Variants in RALGAPA1 observed in about 807,000 individuals in gnomAD.
RALGAPA1 encodes ral GTPase-activating protein subunit alpha-1.
A neutral mutation model predicts 269.6 loss-of-function variants in RALGAPA1; 52 were observed. The observed-to-expected ratio is 0.19, with a 90% CI of 0.15 to 0.24. RALGAPA1 has a LOEUF of 0.24. Among genes scored for constraint, RALGAPA1 ranks in the 10% least tolerant of loss-of-function variants. The pLI is 1.00. For synonymous variants in RALGAPA1, 817 were observed against 1,008.3 expected, an observed-to-expected ratio of 0.81 and a Z score of 3.60; for missense variants, 1,917 against 3,013.9, an observed-to-expected ratio of 0.64 and a Z score of 8.52.
chr14:35,626,981 T>A, intron 34 of RALGAPA1, 109 bp downstream of exon 34: 1 of 1,121,514 alleles, frequency 8.9e-7, no homozygotes. Context: ...AAAGAACTAA[T>A]TGGTAGATAA....
chr14:35,674,093 G>A, intron 24 of RALGAPA1, 87 bp downstream of exon 24: 1 of 992,232 alleles, frequency 1.0e-6, no homozygotes, highest in East Asian at 2.6e-5. Context: ...TGCTCTAGAA[G>A]TCTATATAAT....
At chr14:35,578,677 A>AT (rs776771868) in intron 37 of RALGAPA1, among the ~76,000 whole-genome samples, 4 of 152,192 alleles carry the variant, frequency 2.6e-5, no homozygotes, top group Admixed American at 6.5e-5. Flanking sequence ...CTTATCTTGC[A>AT]TTTTTTTCCT....
intron 17 of RALGAPA1, among the ~76,000 whole-genome samples, chr14:35,690,314 G>A (rs1214443551): frequency 6.6e-6 from 1 of 152,142 alleles, no homozygotes; most frequent in African/African-American, 2.4e-5. Context: ...AATAAATCAA[G>A]CAACTCAAAT....
intron 35 of RALGAPA1, among the ~76,000 whole-genome samples, chr14:35,619,224 GATAA>G (rs1460080615): frequency 6.6e-6 from 1 of 151,898 alleles, no homozygotes; most frequent in Admixed American, 6.6e-5. Flanking sequence ...CATGAAAAAA[GATAA>G]ATAAATAAAA....
At chr14:35,717,159 AT>A (rs1008611926) in intron 16 of RALGAPA1, among the ~76,000 whole-genome samples, 13 of 151,864 alleles carry the variant, frequency 8.6e-5, no homozygotes, top group African/African-American at 3.1e-4. Context: ...ATTCTATACC[AT>A]TTTTTTTGAG....
chr14:35,648,660 G>T (rs2062617934), intron 31 of RALGAPA1, among the ~76,000 whole-genome samples: 1 of 152,008 alleles, frequency 6.6e-6, no homozygotes, highest in Non-Finnish European at 1.5e-5. Context: ...TAATTAGCTG[G>T]GCATGGTGGC....
chr14:35,640,436 A>T (rs566760368), intron 31 of RALGAPA1, among the ~76,000 whole-genome samples: 1 of 152,190 alleles, frequency 6.6e-6, no homozygotes, highest in East Asian at 1.9e-4. Flanking sequence ...AAATTAAAAG[A>T]TCAACAGAGC....
intron 41 of RALGAPA1, among the ~76,000 whole-genome samples, chr14:35,545,417 CTT>C (rs1307199027): frequency 6.6e-6 from 1 of 151,742 alleles, no homozygotes; most frequent in Non-Finnish European, 1.5e-5. Flanking sequence ...CATAGTCACT[CTT>C]GATTATCTCT....
chr14:35,770,482 C>T lies in RALGAPA1; in HGVS notation c.325+460G>A, dbSNP rs541333158. On this transcript the variant is annotated intron_variant, in intron 4 of 41. Transcript: ENST00000680220. ...GATTAAAAAAAAAAGTAACTGTACT[C>T]ATTCACAGATGATATAACCCTACAG... 5.3e-5 allele frequency among the ~76,000 whole-genome samples: 8 copies of T among 151,946 alleles called. No individual in the cohort carries two copies. The South Asian group carries it at 1.5e-3, about 28-fold the overall frequency.
At chr14:35,705,059 A>C (rs1364829620) in intron 16 of RALGAPA1, among the ~76,000 whole-genome samples, 1 of 152,242 alleles carries the variant, frequency 6.6e-6, no homozygotes, top group East Asian at 1.9e-4. Flanking sequence ...TGTCAACTAC[A>C]AAGAGTTTCC....
intron 35 of RALGAPA1, among the ~76,000 whole-genome samples, chr14:35,618,672 A>C (rs2060409923): frequency 1.3e-5 from 2 of 152,134 alleles, no homozygotes; most frequent in Admixed American, 1.3e-4. Context: ...TTATCTGTAG[A>C]TAATGATTAT....
At chr14:35,746,068 G>A (rs760449616) in intron 10 of RALGAPA1, among the ~76,000 whole-genome samples, 2 of 152,006 alleles carry the variant, frequency 1.3e-5, no homozygotes, top group South Asian at 4.1e-4. Context: ...GTGAGGCCCT[G>A]TTTCAAAAAA....
chr14:35,703,050 A>G (rs954278295), intron 16 of RALGAPA1, among the ~76,000 whole-genome samples: 3 of 152,232 alleles, frequency 2.0e-5, no homozygotes, highest in Non-Finnish European at 4.4e-5. Context: ...TTTCTGGGAA[A>G]TAACAACTCC....
At chr14:35,593,530 T>C (rs1325642930) in intron 37 of RALGAPA1, among the ~76,000 whole-genome samples, 2 of 151,876 alleles carry the variant, frequency 1.3e-5, no homozygotes, top group Non-Finnish European at 2.9e-5. Context: ...AAAGCTAAAC[T>C]GAGAAAAAAA....
chr14:35,773,933 T>A (rs1343767229), intron 3 of RALGAPA1, among the ~76,000 whole-genome samples: 3 of 151,238 alleles, frequency 2.0e-5, no homozygotes, highest in African/African-American at 7.3e-5. Flanking sequence ...TATTATTATT[T>A]TTGAGACAGG....
In RALGAPA1 at chr14:35,733,959, A is replaced by AAATC. The variant is rs1414583597; in HGVS notation, c.1587+4553_1587+4554insGATT. Among the ~76,000 whole-genome samples, 3 of 152,052 alleles carry AAATC rather than the reference A, an allele frequency of 2.0e-5. No individual in the cohort carries two copies. In the East Asian group the frequency reaches 5.8e-4, roughly 29 times the overall value. ...TATAGCTGCAAATAAACAAATAAAT[A>AAATC]AATAAATAAATAAAATACTTAGGAA... On this transcript the variant is annotated intron_variant, in intron 12 of 41. Transcript: ENST00000680220.
At chr14:35,702,487 T>C (rs547914183) in intron 16 of RALGAPA1, among the ~76,000 whole-genome samples, 2 of 152,248 alleles carry the variant, frequency 1.3e-5, no homozygotes, top group Admixed American at 1.3e-4. Flanking sequence ...AAACAACCCA[T>C]ATACAAAATG....
intron 41 of RALGAPA1, among the ~76,000 whole-genome samples, chr14:35,540,939 T>C (rs1012081333): frequency 3.3e-5 from 5 of 152,150 alleles, no homozygotes; most frequent in Admixed American, 2.0e-4. Context: ...TAAACTGAAG[T>C]TACTGAATGT....
intron 39 of RALGAPA1, among the ~76,000 whole-genome samples, chr14:35,560,171 A>G (rs1311423123): frequency 6.6e-6 from 1 of 152,238 alleles, no homozygotes; most frequent in Non-Finnish European, 1.5e-5. Context: ...ACACAATAGC[A>G]GAAGGAACTG....
Sources: allele counts gnomAD v4.1 joint callset (sites outside exome capture counted in the v4.1 genomes callset), GRCh38; gene constraint gnomAD v4.1.1; transcripts MANE v1.5; gene names NCBI Gene and HGNC (gene_info 2026-07-23, HGNC 2026-07-21).